Variants in TBRG1 observed in about 807,000 individuals in gnomAD.
TBRG1 encodes nuclear interactor of ARF and MDM2.
In TBRG1, 31 loss-of-function variants were observed where a neutral mutation model predicts 44.0. The ratio of observed to expected loss-of-function variants is 0.70; its 90% confidence interval spans 0.53 to 0.95. The LOEUF is 0.95. TBRG1 is among the 40% of genes least tolerant of loss of function. The pLI, the probability that TBRG1 is intolerant of heterozygous loss-of-function variation, is 0.00. For synonymous variants in TBRG1, 171 were observed against 188.1 expected, an observed-to-expected ratio of 0.91 and a Z score of 0.74; for missense variants, 487 against 496.1, an observed-to-expected ratio of 0.98 and a Z score of 0.18.
In TBRG1 at chr11:124,625,793, T is replaced by C. The variant is rs1218076180; in HGVS notation, c.344T>C (p.Ile115Thr). 2 of 1,581,062 alleles carry C rather than the reference T, an allele frequency of 1.3e-6. No homozygotes were observed. Among genetic ancestry groups the C allele is most frequent in the Non-Finnish European group, 1.7e-6 (2 of 1,162,488 alleles). ...GGTGTGGCCAGCTCTGTGGGAACTA[T>C]ACAGGGAGCTGGGCCTATTTCAGGG... ...TYGVASSVGT[I>T]QGAGPISGPS... Residue 115 changes from isoleucine (I) to threonine (T), a missense_variant, in exon 3 of 9, where the codon ATA (isoleucine) becomes ACA (threonine). By Grantham distance (89) the Ile-to-Thr change is moderately conservative (BLOSUM62 -1). Transcript: ENST00000441174.
At chr11:124,630,332 G>A in intron 5 of TBRG1, 56 bp from the exon 6 acceptor site, 1 of 1,075,814 alleles carries the variant, frequency 9.3e-7, no homozygotes, top group East Asian at 2.4e-5. Flanking sequence ...AGAGTAGTAT[G>A]CCCCTCTCTC....
At chr11:124,623,427 T>C (rs1410276623) in intron 1 of TBRG1, 194 bp downstream of exon 1, 1 of 711,898 alleles carries the variant, frequency 1.4e-6, no homozygotes, top group Non-Finnish European at 2.5e-6. Context: ...AATGAGCTAG[T>C]AACTGTCTTG....
intron 1 of TBRG1, 77 bp downstream of exon 1, chr11:124,623,310 C>G (rs1419900957): frequency 6.8e-7 from 1 of 1,463,622 alleles, no homozygotes; most frequent in African/African-American, 1.4e-5. Context: ...GTTCCCCCTT[C>G]CCAGTGTGAC....
rs115376151 is a variant in TBRG1 at position 124,623,809 on chromosome 11, C to G, written c.150+576C>G. Among the ~76,000 whole-genome samples the G allele has an allele frequency of 4.1e-3, 619 of 152,256 alleles. 12 individuals carry two copies. The highest frequency in any genetic ancestry group is 0.014 in the African/African-American group (602 of 41,534). On this transcript the variant is annotated intron_variant, in intron 1 of 8. Coordinates refer to ENST00000441174, the MANE Select transcript of TBRG1 (RefSeq NM_032811.3). ...GAGTGTTCCAAGTGTTTCTTCCTTT[C>G]TTTTATTGTAGAAGCACTGGATTTA...
intron 1 of TBRG1, chr11:124,623,476 G>C: frequency 1.6e-6 from 1 of 606,966 alleles, no homozygotes; most frequent in African/African-American, 1.8e-5. Flanking sequence ...AAAAGTGCTT[G>C]GTGCGTAAAA....
Position 124,625,772 on chromosome 11 carries a change from T to TGGC in TBRG1, c.324_326dup (p.Ala109dup), listed in dbSNP as rs1294281021. Reference sequence around the variant, plus strand: ...TCCAGTTTGCCCCTGACTTATGGTGTGGCCAGCTCTGTGGGAACTATACAG... The same window carrying TGGC: ...TCCAGTTTGCCCCTGACTTATGGTGTGGCGGCCAGCTCTGTGGGAACTATACAG... On this transcript the variant is annotated inframe_insertion, in exon 3 of 9. Coordinates refer to ENST00000441174, the MANE Select transcript of TBRG1 (RefSeq NM_032811.3). 1 of 1,574,104 alleles carries TGGC rather than the reference T, an allele frequency of 6.4e-7. No individual in the cohort carries two copies. The highest frequency in any genetic ancestry group is 1.3e-5 in the African/African-American group (1 of 74,258).
At position 124,625,807 on chromosome 11, in the gene TBRG1, C is replaced by T. The variant is rs963008562; in HGVS notation, c.358C>T (p.Pro120Ser). The T allele has an allele frequency of 1.4e-5, 22 of 1,582,682 alleles. No individual in the cohort carries two copies. The highest frequency in any genetic ancestry group is 1.5e-5 in the Non-Finnish European group (17 of 1,163,682). The change falls in exon 3 of 9, where the codon CCT becomes TCT. Residue 120 changes from proline to serine, a missense_variant. Coordinates refer to ENST00000441174, the MANE Select transcript of TBRG1 (RefSeq NM_032811.3). The part of the protein sequence containing the change: ...SSVGTIQGAG[P>S]ISGPSTGAEE... ...TGTGGGAACTATACAGGGAGCTGGG[C>T]CTATTTCAGGGCCCAGCACTGGGGC... is the stretch of plus-strand genomic sequence containing the variant.
intron 8 of TBRG1, chr11:124,631,803 G>C: frequency 2.3e-6 from 1 of 437,218 alleles, no homozygotes. Context: ...TCCCACAAAT[G>C]AGTGATCAAG....
intron 5 of TBRG1, among the ~76,000 whole-genome samples, chr11:124,627,731 C>T (rs751375067): frequency 3.3e-5 from 5 of 151,974 alleles, no homozygotes; most frequent in East Asian, 1.9e-4. Flanking sequence ...TATTGCATCA[C>T]GCCTATCAGA....
intron 5 of TBRG1, among the ~76,000 whole-genome samples, chr11:124,628,740 A>G (rs1942543444): frequency 6.6e-6 from 1 of 152,144 alleles, no homozygotes; most frequent in Non-Finnish European, 1.5e-5. Context: ...GTCTTCTGGG[A>G]GGGCAACTTG....
At chr11:124,631,513 T>C (rs753722996) in intron 8 of TBRG1, 96 bp downstream of exon 8, 16 of 1,300,482 alleles carry the variant, frequency 1.2e-5, no homozygotes, top group East Asian at 6.9e-5. Context: ...TATCTATGCA[T>C]TGAGTGATAA....
intron 5 of TBRG1, among the ~76,000 whole-genome samples, chr11:124,628,888 AC>A (rs1256121023): frequency 6.6e-6 from 1 of 152,178 alleles, no homozygotes; most frequent in African/African-American, 2.4e-5. Flanking sequence ...AACAATGTTC[AC>A]TGTGGCAGTA....
intron 1 of TBRG1, 41 bp downstream of exon 1, chr11:124,623,274 T>A: frequency 6.5e-7 from 1 of 1,549,972 alleles, no homozygotes. Flanking sequence ...TCCTGGAGAC[T>A]CCCTCACAAA....
intron 5 of TBRG1, among the ~76,000 whole-genome samples, chr11:124,629,200 C>G (rs1052810491): frequency 2.6e-5 from 4 of 152,088 alleles, no homozygotes; most frequent in East Asian, 1.9e-4. Flanking sequence ...TTAGCCGGGC[C>G]TGGTGGCGTG....
chr11:124,632,857 T>C lies in TBRG1; in HGVS notation c.*619T>C, dbSNP rs1942644493. Reference sequence around the variant, plus strand: ...TTAGGGGTTAGGATTTAACATGAATTTTGGGGACATATAAACATTAAGTCT... The same window carrying C: ...TTAGGGGTTAGGATTTAACATGAATCTTGGGGACATATAAACATTAAGTCT... On this transcript the variant is annotated 3_prime_UTR_variant, in exon 9 of 9. Transcript: ENST00000441174. The C allele has an allele frequency of 6.6e-6, 1 of 152,066 alleles. No homozygotes were observed. Among genetic ancestry groups the C allele is most frequent in the African/African-American group, 2.4e-5 (1 of 41,378 alleles). 9.4% of individuals were successfully genotyped at this position (152,066 alleles called of 1,614,324 possible).
intron 8 of TBRG1, chr11:124,631,824 T>G (rs1942617587): frequency 2.2e-6 from 1 of 451,418 alleles, no homozygotes; most frequent in East Asian, 4.1e-5. Flanking sequence ...GGTTCAGGCT[T>G]TGGGGTCATA....
At position 124,623,340 on chromosome 11, in the gene TBRG1, C is replaced by A; in HGVS notation, c.150+107C>A. 3 of 1,284,572 alleles carry A rather than the reference C, an allele frequency of 2.3e-6. No homozygotes were observed. The East Asian group carries it at 7.6e-5, about 32-fold the overall frequency. The allele number at this position is 1,284,572 out of a possible 1,614,324, so 79.6% of individuals were successfully genotyped here. A position where few individuals can be genotyped will look rare whatever the true frequency, so the allele number is the denominator to read the frequency against. The stretch of plus-strand genomic sequence containing the variant: ...TGTGACAGTATTAATACAGTGTTGG[C>A]TTTTCCGTATACGTTACTACTTGTT... On this transcript the variant is annotated intron_variant, in intron 1 of 8. Transcript: ENST00000441174.
In TBRG1 at chr11:124,626,962, G is replaced by A. The variant is rs1168895968; in HGVS notation, c.650G>A (p.Cys217Tyr). 4 of 1,599,584 alleles carry A rather than the reference G, an allele frequency of 2.5e-6. No homozygotes were observed. In the African/African-American group the frequency reaches 4.0e-5, roughly 16 times the overall value. Residue 217 changes from cysteine (C) to tyrosine (Y), a missense_variant, in exon 5 of 9, where the codon TGC becomes TAC. Physicochemically the swap from Cys to Tyr is radical, Grantham distance 194. Coordinates refer to ENST00000441174, the MANE Select transcript of TBRG1 (RefSeq NM_032811.3). ...AGTGCCATCTACCCCGTGGGCTATT[G>A]CAGTACTCGAATATATGCCAGCATG... ...DESAIYPVGYCSTRIYASMKC... is the reference protein window; with the variant it reads ...DESAIYPVGYYSTRIYASMKC...
chr11:124,623,272 A>G, intron 1 of TBRG1, 39 bp downstream of exon 1: 1 of 1,549,972 alleles, frequency 6.5e-7, no homozygotes, highest in South Asian at 1.2e-5. Flanking sequence ...CCTCCTGGAG[A>G]CTCCCTCACA....
Sources: allele counts gnomAD v4.1 joint callset (sites outside exome capture counted in the v4.1 genomes callset), GRCh38; gene constraint gnomAD v4.1.1; transcripts MANE v1.5; gene names NCBI Gene and HGNC (gene_info 2026-07-23, HGNC 2026-07-21).